PCDHA2: variants seen among roughly 807,000 people sequenced by gnomAD.
PCDHA2 encodes the protein protocadherin alpha 2.
In PCDHA2, 58 loss-of-function variants were observed where a neutral mutation model predicts 66.0. The observed-to-expected ratio is 0.88, with a 90% confidence interval of 0.71 to 1.09. PCDHA2 has a LOEUF of 1.09. PCDHA2 is among the 50% of genes least tolerant of loss of function. PCDHA2 has a pLI of 0.00. For synonymous variants in PCDHA2, 634 were observed against 554.0 expected, an observed-to-expected ratio of 1.14 and a Z score of -2.03; for missense variants, 1,267 against 1,242.3, an observed-to-expected ratio of 1.02 and a Z score of -0.30.
In PCDHA2 at chr5:140,858,669, A is replaced by G; in HGVS notation, c.2388+61317A>G. The G allele has an allele frequency of 4.4e-6, 3 of 676,742 alleles. 1 individual carries two copies. Among genetic ancestry groups the G allele is most frequent in the Non-Finnish European group, 7.2e-6 (3 of 415,418 alleles). 41.9% of individuals were successfully genotyped at this position (676,742 alleles called of 1,614,324 possible). On this transcript the variant is annotated intron_variant, in intron 1 of 3. Coordinates refer to ENST00000526136, the MANE Select transcript of PCDHA2 (RefSeq NM_018905.3). ...CTTAAATTTTTTTAAATAACAATTT[A>G]TTCTGAATACACTAATATTTTCCAA...
rs552289184 is a variant in PCDHA2, at chr5:140,942,884, T to C, written c.2389-36065T>C. 7.9e-5 allele frequency among the ~76,000 whole-genome samples: 12 copies of C among 152,178 alleles called. No individual in the cohort carries two copies. In the East Asian group the frequency reaches 2.3e-3, roughly 29 times the overall value. ...TGCTTTAGCATGACAACTTTTTTCC[T>C]AAAATTTATCTCTAAGAATAAGCGT... On this transcript the variant is annotated intron_variant, in intron 1 of 3. Transcript: ENST00000526136.
At chr5:140,980,475 C>G (rs538255137) in intron 2 of PCDHA2, among the ~76,000 whole-genome samples, 10 of 152,148 alleles carry the variant, frequency 6.6e-5, no homozygotes, top group African/African-American at 2.2e-4. Context: ...ACTAAAAATA[C>G]AAAAATTAGC....
intron 1 of PCDHA2, among the ~76,000 whole-genome samples, chr5:140,886,052 CT>C (rs1247635205): frequency 6.6e-6 from 1 of 152,122 alleles, no homozygotes; most frequent in Non-Finnish European, 1.5e-5. Flanking sequence ...ATAGTAACAT[CT>C]TACAAAAGCG....
intron 1 of PCDHA2, among the ~76,000 whole-genome samples, chr5:140,819,312 G>C (rs978611638): frequency 6.6e-6 from 1 of 151,934 alleles, no homozygotes; most frequent in African/African-American, 2.4e-5. Context: ...TTTTATTCTG[G>C]GTTTTGTAAG....
At chr5:140,943,019 G>A (rs1554215345) in intron 1 of PCDHA2, among the ~76,000 whole-genome samples, 1 of 152,068 alleles carries the variant, frequency 6.6e-6, no homozygotes, top group Non-Finnish European at 1.5e-5. Flanking sequence ...CACTTTGGGA[G>A]GCTGAGGTGG....
At chr5:140,883,126 G>T (rs781992873) in intron 1 of PCDHA2, 1 of 1,614,036 alleles carries the variant, frequency 6.2e-7, no homozygotes, top group Non-Finnish European at 8.5e-7. Context: ...GGCCTGTATG[G>T]CCTGCAGTGG....
chr5:140,994,318 C>G (rs782231160), intron 3 of PCDHA2, among the ~76,000 whole-genome samples: 18 of 152,300 alleles, frequency 1.2e-4, no homozygotes, highest in Non-Finnish European at 1.6e-4. Context: ...CCCAAACACT[C>G]TCAGCAACCA....
At chr5:140,898,323 G>A (rs2066657733) in intron 1 of PCDHA2, among the ~76,000 whole-genome samples, 1 of 152,132 alleles carries the variant, frequency 6.6e-6, no homozygotes, top group Admixed American at 6.5e-5. Context: ...ATGGTTTTGG[G>A]TCTAACGTTT....
In PCDHA2 at chr5:140,800,048, T is replaced by C. The variant is rs193052251; in HGVS notation, c.2388+2696T>C. Among the ~76,000 whole-genome samples the C allele has an allele frequency of 3.0e-3, 458 of 152,274 alleles. 4 individuals are homozygous for C. Among genetic ancestry groups the C allele is most frequent in the Middle Eastern group, 0.014 (4 of 294 alleles). The stretch of plus-strand genomic sequence containing the variant: ...CTGTTTAGTTAAATAATCAATTCTT[T>C]CAAGTAACAACTTTTAAAAAAACTG... On this transcript the variant is annotated intron_variant, in intron 1 of 3. Transcript: ENST00000526136.
In PCDHA2 at chr5:140,795,504, A is replaced by G. The variant is rs1761964492; in HGVS notation, c.540A>G (p.Leu180=). 1.2e-6 allele frequency: 2 copies of G among 1,614,102 alleles called. No individual in the cohort carries two copies. The highest frequency in any genetic ancestry group is 1.7e-5 in the Admixed American group (1 of 60,012). The change falls in exon 1 of 4, where the codon CTA becomes CTG. Residue 180 remains leucine, a synonymous_variant. Transcript: ENST00000526136. ...YKLSSSEFFF[L]DIQANDELSE... ...TCAGCTCCAGTGAGTTTTTCTTCCT[A>G]GATATACAGGCAAATGATGAACTAA...
chr5:140,941,191 T>TTTCTTTCTTTCTTTCTTTCTTTC (rs1487503403), intron 1 of PCDHA2, among the ~76,000 whole-genome samples: 1 of 93,206 alleles, frequency 1.1e-5, no homozygotes, highest in South Asian at 2.8e-4. Flanking sequence ...GCTTCTTTTT[T>TTTCTTTCTTTCTTTCTTTCTTTC]TTTCTTTCTT....
chr5:140,941,462 C>T (rs1323217881), intron 1 of PCDHA2, among the ~76,000 whole-genome samples: 1 of 150,980 alleles, frequency 6.6e-6, no homozygotes, highest in Non-Finnish European at 1.5e-5. Context: ...ATTACAGGCG[C>T]CCACCACCAC....
intron 1 of PCDHA2, chr5:140,882,487 C>G: frequency 6.2e-7 from 1 of 1,614,054 alleles, no homozygotes; most frequent in Non-Finnish European, 8.5e-7. Flanking sequence ...GACACGGGGA[C>G]CTTCTGGAGG....
intron 1 of PCDHA2, among the ~76,000 whole-genome samples, chr5:140,919,139 C>T (rs1294020429): frequency 6.6e-6 from 1 of 152,120 alleles, no homozygotes; most frequent in Non-Finnish European, 1.5e-5. Context: ...TTTTGGGGCT[C>T]TATTATTAGA....
At chr5:141,004,449 A>G (rs2098166973) in intron 3 of PCDHA2, among the ~76,000 whole-genome samples, 1 of 152,180 alleles carries the variant, frequency 6.6e-6, no homozygotes. Flanking sequence ...GTCATATAGA[A>G]CCAGGAAGCT....
In PCDHA2 at chr5:140,863,490, A is replaced by C. The variant is rs149382847; in HGVS notation, c.2388+66138A>C. ...TGGAGAGTCGCCTCCCAAGGTCAAC[A>C]TTACGGCTTTTAGTCCTAGTGTTCT... is the stretch of plus-strand genomic sequence containing the variant. On this transcript the variant is annotated intron_variant, in intron 1 of 3. Coordinates refer to ENST00000526136, the MANE Select transcript of PCDHA2 (RefSeq NM_018905.3). 1.5e-4 allele frequency: 69 copies of C among 449,374 alleles called. No homozygotes were observed. In the East Asian group the frequency reaches 3.4e-3, roughly 22 times the overall value. 27.8% of individuals were successfully genotyped at this position (449,374 alleles called of 1,614,324 possible). A position where few individuals can be genotyped will look rare whatever the true frequency, so the allele number is the denominator to read the frequency against.
rs781928314 is a variant in PCDHA2 at position 140,876,618 on chromosome 5, T to A, written c.2388+79266T>A. On this transcript the variant is annotated intron_variant, in intron 1 of 3. Coordinates refer to ENST00000526136, the MANE Select transcript of PCDHA2 (RefSeq NM_018905.3). ...TGTCGGATCGTGACTCTGGAGCCAA[T>A]GGACAGGTCATCTGCTCACTGACAC... is the stretch of plus-strand genomic sequence containing the variant. 3.7e-6 allele frequency: 6 copies of A among 1,614,074 alleles called. No homozygotes were observed. The South Asian group carries it at 4.4e-5, about 12-fold the overall frequency.
chr5:140,864,875 T>G (rs1554159183), intron 1 of PCDHA2: 1 of 152,186 alleles, frequency 6.6e-6, no homozygotes, highest in Non-Finnish European at 1.5e-5. Context: ...TACCATTGTC[T>G]GTGTTCATTA....
intron 1 of PCDHA2, chr5:140,853,696 T>C: frequency 1.1e-5 from 11 of 988,274 alleles, no homozygotes; most frequent in Non-Finnish European, 1.3e-5. Context: ...TTAGACCTGC[T>C]AACGCATTAG....
Sources: gnomAD v4.1 joint callset for allele counts (sites outside exome capture counted in the v4.1 genomes callset) on GRCh38, gnomAD v4.1.1 for gene constraint, MANE v1.5 for transcripts, NCBI Gene and HGNC (gene_info 2026-07-23, HGNC 2026-07-21) for gene names.